The following TENM2 variants were observed in gnomAD, a reference collection of about 807,000 sequenced individuals.
The protein encoded by TENM2 is teneurin transmembrane protein 2.
TENM2 carries 52 observed loss-of-function variants against 245.2 expected under a neutral mutation model. The observed-to-expected ratio is 0.21, with a 90% CI of 0.17 to 0.27. The LOEUF is 0.27. TENM2 is among the 10% of genes least tolerant of loss of function. TENM2 has a pLI of 1.00. For missense variants in TENM2, 3,046 were observed against 3,666.8 expected (o/e 0.83, Z 4.37); for synonymous variants, 1,363 against 1,438.9 (o/e 0.95, Z 1.19).
chr5:167,472,646 C>T (rs973747164), intron 2 of TENM2, among the ~76,000 whole-genome samples: 1 of 151,948 alleles, frequency 6.6e-6, no homozygotes, highest in Admixed American at 6.6e-5. Context: ...CCCTTTCCCT[C>T]GTATCTCTAG....
chr5:167,168,142 A>G, the TENM2 span: 4 of 152,230 alleles, frequency 2.6e-5, no homozygotes, highest in African/African-American at 9.6e-5. Context: ...TCTTACATCA[A>G]CTTCAAGTTA....
the TENM2 span, among the ~76,000 whole-genome samples, chr5:167,197,573 C>T: frequency 2.0e-5 from 3 of 151,886 alleles, no homozygotes; most frequent in Non-Finnish European, 4.4e-5. Context: ...CTGCATTTGC[C>T]CTGCTACCCA....
intron 9 of TENM2, among the ~76,000 whole-genome samples, chr5:168,108,171 C>G (rs1794403052): frequency 6.6e-6 from 1 of 152,094 alleles, no homozygotes; most frequent in Non-Finnish European, 1.5e-5. Context: ...AATCAGCCAC[C>G]TTTGAGGCAT....
intron 2 of TENM2, among the ~76,000 whole-genome samples, chr5:167,641,861 G>A (rs755417197): frequency 6.6e-6 from 1 of 152,058 alleles, no homozygotes; most frequent in African/African-American, 2.4e-5. Context: ...TAACACTCAC[G>A]GCAGAGCGTG....
the TENM2 span, among the ~76,000 whole-genome samples, chr5:167,196,707 G>A: frequency 2.0e-5 from 3 of 151,450 alleles, no homozygotes; most frequent in African/African-American, 7.3e-5. Flanking sequence ...ATAACAATAT[G>A]AAAATAAAAA....
intron 2 of TENM2, among the ~76,000 whole-genome samples, chr5:167,516,978 A>C (rs1770424849): frequency 6.6e-6 from 1 of 152,234 alleles, no homozygotes; most frequent in Admixed American, 6.5e-5. Context: ...CCAAGTTTGA[A>C]TGAATTATCT....
intron 2 of TENM2, among the ~76,000 whole-genome samples, chr5:167,783,287 G>A (rs1422860290): frequency 6.6e-6 from 1 of 151,644 alleles, no homozygotes; most frequent in Non-Finnish European, 1.5e-5. Context: ...AGTCCAAGGA[G>A]AAGGGGTCAT....
chr5:167,979,121 A>G (rs968427101), intron 4 of TENM2, among the ~76,000 whole-genome samples: 1 of 152,168 alleles, frequency 6.6e-6, no homozygotes, highest in Non-Finnish European at 1.5e-5. Context: ...ATCAGGGTAA[A>G]TGCAACTCTT....
Position 168,247,544 on chromosome 5 carries a change from C to T in TENM2, c.6605C>T (p.Thr2202Ile). The T allele has an allele frequency of 6.2e-7, 1 of 1,613,090 alleles. No individual in the cohort carries two copies. Among genetic ancestry groups the T allele is most frequent in the Non-Finnish European group, 8.5e-7 (1 of 1,179,178 alleles). ...CCCTATGCCAATACCACGAAGTACA[C>T]CTATGACTACGATGGGGACGGGCAG... is the stretch of plus-strand genomic sequence containing the variant. The change falls in exon 27 of 29, where the codon ACC (threonine) becomes ATC (isoleucine). Residue 2202 changes from threonine (T) to isoleucine (I), a missense_variant. Around this residue, in one of 2 missense-constraint regions of TENM2, gnomAD observed 2,704 missense variants for 3,331.9 expected, o/e 0.81. Transcript: ENST00000518659. The surrounding 1 kb of genome is among the most constrained non-coding windows in gnomAD (Gnocchi z 7.8).
chr5:167,781,181 T>A (rs896547635), intron 2 of TENM2, among the ~76,000 whole-genome samples: 1 of 152,010 alleles, frequency 6.6e-6, no homozygotes, highest in Non-Finnish European at 1.5e-5. Flanking sequence ...TGTGGTGGCA[T>A]GCACCTGTAG....
chr5:167,613,240 A>ATG (rs1485398143), intron 2 of TENM2, among the ~76,000 whole-genome samples: 3 of 152,148 alleles, frequency 2.0e-5, no homozygotes, highest in Non-Finnish European at 4.4e-5. Flanking sequence ...TAATTTTCTA[A>ATG]TGTGTAAAAT....
chr5:168,028,100 G>C (rs1786785514), intron 5 of TENM2, among the ~76,000 whole-genome samples: 1 of 152,218 alleles, frequency 6.6e-6, no homozygotes, highest in South Asian at 2.1e-4. Flanking sequence ...CCTTAGAAGG[G>C]TGGCTATGGT....
At chr5:167,805,158 A>T (rs1766062715) in intron 2 of TENM2, among the ~76,000 whole-genome samples, 1 of 152,126 alleles carries the variant, frequency 6.6e-6, no homozygotes, top group African/African-American at 2.4e-5. Context: ...CATTGTCTGA[A>T]GTGGTCTCTC....
intron 1 of TENM2, among the ~76,000 whole-genome samples, chr5:167,344,883 A>C (rs1758363057): frequency 6.6e-6 from 1 of 152,114 alleles, no homozygotes; most frequent in African/African-American, 2.4e-5. Context: ...TCTGAAGGTG[A>C]AGGTGGGTAA....
At chr5:167,377,042 C>T (rs766797720) in intron 2 of TENM2, among the ~76,000 whole-genome samples, 3 of 152,062 alleles carry the variant, frequency 2.0e-5, no homozygotes, top group Non-Finnish European at 2.9e-5. Flanking sequence ...TATTTATAGA[C>T]CTGCACCTTC....
chr5:167,517,200 C>G (rs1453350986), intron 2 of TENM2, among the ~76,000 whole-genome samples: 5 of 152,150 alleles, frequency 3.3e-5, no homozygotes, highest in Admixed American at 1.3e-4. Flanking sequence ...TATTTACATA[C>G]CCGTCTCACA....
chr5:167,431,928 C>CAT lies in TENM2; in HGVS notation c.502+56465_502+56466dup, dbSNP rs200868538. Among the ~76,000 whole-genome samples the CAT allele has an allele frequency of 2.1e-3, 238 of 112,522 alleles. 3 individuals are homozygous for CAT. Among genetic ancestry groups the CAT allele is most frequent in the African/African-American group, 7.3e-3 (217 of 29,836 alleles). The allele number at this position is 112,522 out of a possible 152,430, so 73.8% of individuals were successfully genotyped here. ...TTCCAAGGTGTGATATATATATATACATATATATATACATATATATGTATA... is the reference window on the plus strand; with the variant it reads ...TTCCAAGGTGTGATATATATATATACATATATATATATACATATATATGTATA... On this transcript the variant is annotated intron_variant, in intron 2 of 28. Transcript: ENST00000518659.
the TENM2 span, among the ~76,000 whole-genome samples, chr5:167,221,732 C>G: frequency 1.3e-5 from 2 of 152,168 alleles, no homozygotes; most frequent in Non-Finnish European, 2.9e-5. Flanking sequence ...CAAGGCCATG[C>G]AACCAGTGAG....
chr5:167,616,990 T>G (rs911024715), intron 2 of TENM2, among the ~76,000 whole-genome samples: 1 of 152,158 alleles, frequency 6.6e-6, no homozygotes, highest in Non-Finnish European at 1.5e-5. Context: ...CCTATACACA[T>G]GCAACTTTCA....
Sources: allele counts gnomAD v4.1 joint callset (sites outside exome capture counted in the v4.1 genomes callset), GRCh38; gene constraint gnomAD v4.1.1; regional missense constraint gnomAD v4.1.1; non-coding constraint Gnocchi (gnomAD v3.1); transcripts MANE v1.5; gene names NCBI Gene and HGNC (gene_info 2026-07-23, HGNC 2026-07-21).